The following NEB variants were observed in gnomAD, a reference collection of about 807,000 sequenced individuals.
NEB encodes nebulin.
NEB carries 512 observed loss-of-function variants against 952.2 expected under a neutral mutation model. The observed-to-expected ratio is 0.54, with a 90% CI of 0.50 to 0.58. NEB has a LOEUF of 0.58. Ranked by LOEUF, NEB falls within the 20% of genes least tolerant of loss-of-function variation. The pLI, the probability that NEB is intolerant of heterozygous loss-of-function variation, is 0.00. For missense variants in NEB, 8,428 were observed against 9,231.1 expected (o/e 0.91, Z 3.56); for synonymous variants, 2,900 against 3,149.8 (o/e 0.92, Z 2.66).
chr2:151,622,907 C>A (rs889307077), intron 71 of NEB, among the ~76,000 whole-genome samples: 1 of 152,142 alleles, frequency 6.6e-6, no homozygotes, highest in African/African-American at 2.4e-5. Context: ...TAGTTTATTT[C>A]TTCACCTTTA....
intron 10 of NEB, among the ~76,000 whole-genome samples, chr2:151,714,612 C>G (rs1452364520): frequency 6.6e-6 from 1 of 152,066 alleles, no homozygotes; most frequent in Non-Finnish European, 1.5e-5. Context: ...TTTCAGCCAA[C>G]CTTCAGTGGG....
intron 129 of NEB, among the ~76,000 whole-genome samples, chr2:151,551,294 G>A (rs1397923152): frequency 1.3e-5 from 2 of 152,098 alleles, no homozygotes; most frequent in Non-Finnish European, 2.9e-5. Flanking sequence ...TACACAAGAT[G>A]GGAAATAACA....
intron 68 of NEB, among the ~76,000 whole-genome samples, chr2:151,628,847 A>T (rs1254462806): frequency 1.3e-5 from 2 of 152,016 alleles, no homozygotes; most frequent in Non-Finnish European, 2.9e-5. Context: ...GGGCAACAAG[A>T]GTGAGACTCT....
In NEB at chr2:151,570,528, G is replaced by A; in HGVS notation, c.17087C>T (p.Ala5696Val). The change falls in exon 108 of 182, where the codon GCT (alanine) becomes GTT (valine). Residue 5696 changes from alanine (A) to valine (V), a missense_variant. This residue lies in a region of NEB where 3,374 missense variants were observed against 3,651.5 expected (regional missense o/e 0.92). Coordinates refer to ENST00000397345, the MANE Select transcript of NEB (RefSeq NM_001164508.2). ...GGCAATCTCCCTGGAGGCCTTGGCAGCCTGGATGGGGATGGCATCCAGCCG... is the reference window on the plus strand; with the variant it reads ...GGCAATCTCCCTGGAGGCCTTGGCAACCTGGATGGGGATGGCATCCAGCCG... ...DVRLDAIPIQ[A>V]AKASREIASD... The A allele has an allele frequency of 1.9e-6, 3 of 1,611,470 alleles. No individual in the cohort carries two copies. Among genetic ancestry groups the A allele is most frequent in the Non-Finnish European group, 2.5e-6 (3 of 1,179,030 alleles).
chr2:151,502,820 G>T lies in NEB; in HGVS notation c.23901C>A (p.Val7967=). ...AGCTAAAGTTCTCTTGATTGCGTTT[G>T]ACTCTCTCCATCTCTGGAGTGATAG... ...PTPITPEMER[V]KRNQENFSSI... Residue 7967 remains valine, a synonymous_variant, in exon 167 of 182, where the codon GTC becomes GTA. Coordinates refer to ENST00000397345, the MANE Select transcript of NEB (RefSeq NM_001164508.2). 1 of 1,604,878 alleles carries T rather than the reference G, an allele frequency of 6.2e-7. No homozygotes were observed. Among genetic ancestry groups the T allele is most frequent in the Non-Finnish European group, 8.5e-7 (1 of 1,175,288 alleles).
At chr2:151,515,405 G>T (rs976871529) in intron 157 of NEB, among the ~76,000 whole-genome samples, 2 of 152,080 alleles carry the variant, frequency 1.3e-5, no homozygotes, top group African/African-American at 4.8e-5. Context: ...TTAATATGGG[G>T]TCTTGCTATG....
chr2:151,549,811 C>G, intron 129 of NEB, 71 bp from the exon 130 acceptor site: 1 of 836,626 alleles, frequency 1.2e-6, no homozygotes, highest in South Asian at 1.5e-5. Flanking sequence ...TAACAAATCA[C>G]ATATAGCTCA....
At position 151,619,448 on chromosome 2, in the gene NEB, T is replaced by C. The variant is rs755212048; in HGVS notation, c.10872+3A>G. The C allele has an allele frequency of 1.4e-5, 23 of 1,587,960 alleles. No individual in the cohort carries two copies. The highest frequency in any genetic ancestry group is 1.9e-5 in the Non-Finnish European group (22 of 1,163,138). On this transcript the variant is annotated splice_donor_region_variant and intron_variant, in intron 73 of 181. Coordinates refer to ENST00000397345, the MANE Select transcript of NEB (RefSeq NM_001164508.2). Reference sequence around the variant, plus strand: ...ATGCAGAGCTAACATCAAGGAAACTTACGTCACTCTGGAGGTCATAGGCTT... The same window carrying C: ...ATGCAGAGCTAACATCAAGGAAACTCACGTCACTCTGGAGGTCATAGGCTT...
At chr2:151,497,584 A>AATC in intron 171 of NEB, 42 bp downstream of exon 171, 1 of 1,539,878 alleles carries the variant, frequency 6.5e-7, no homozygotes, top group Non-Finnish European at 8.8e-7. Flanking sequence ...AAGTTTTCAA[A>AATC]ATCATTAAAT....
chr2:151,646,571 GC>G (rs1176206620), intron 54 of NEB, among the ~76,000 whole-genome samples: 1 of 152,170 alleles, frequency 6.6e-6, no homozygotes, highest in Non-Finnish European at 1.5e-5. Flanking sequence ...TTTAGAGGCA[GC>G]CCTTGCCTTT....
intron 124 of NEB, among the ~76,000 whole-genome samples, chr2:151,558,530 C>A (rs543499208): frequency 1.3e-5 from 2 of 151,588 alleles, no homozygotes; most frequent in East Asian, 1.9e-4. Context: ...GGAGGCATTA[C>A]GCTATCTGAC....
intron 136 of NEB, 51 bp from the exon 137 acceptor site, chr2:151,540,852 T>A: frequency 1.4e-6 from 2 of 1,412,086 alleles, no homozygotes; most frequent in Non-Finnish European, 1.0e-6. Flanking sequence ...ATTTAGTATT[T>A]AGCATTCAGT....
Position 151,668,995 on chromosome 2 carries a change from T to C in NEB, c.4611+32A>G, listed in dbSNP as rs540406132. 2.8e-6 allele frequency: 4 copies of C among 1,442,054 alleles called. No homozygotes were observed. In the South Asian group the frequency reaches 4.9e-5, roughly 18 times the overall value. 89.3% of individuals were successfully genotyped at this position (1,442,054 alleles called of 1,614,324 possible). ...AAGAACCAGAAAGGAGAGGCCCGCA[T>C]ACGCAATATTAGCACTGGGCCAAAT... On this transcript the variant is annotated intron_variant, in intron 39 of 181. Transcript: ENST00000397345.
chr2:151,609,359 A>T (rs1250503449), intron 81 of NEB, among the ~76,000 whole-genome samples: 1 of 152,176 alleles, frequency 6.6e-6, no homozygotes, highest in Non-Finnish European at 1.5e-5. Flanking sequence ...TATTGATCAC[A>T]GAAGTCACTT....
chr2:151,503,023 T>A, intron 166 of NEB, 138 bp from the exon 167 acceptor site: 1 of 615,684 alleles, frequency 1.6e-6, no homozygotes, highest in Non-Finnish European at 2.8e-6. Flanking sequence ...ATGTTTTTAC[T>A]TTTTTCACAG....
At position 151,524,322 on chromosome 2, in the gene NEB, G is replaced by A. The variant is rs761910936; in HGVS notation, c.22468C>T (p.Leu7490=). 1 of 1,613,768 alleles carries A rather than the reference G, an allele frequency of 6.2e-7. No homozygotes were observed. Among genetic ancestry groups the A allele is most frequent in the Non-Finnish European group, 8.5e-7 (1 of 1,179,820 alleles). Residue 7490 remains leucine, a synonymous_variant, in exon 153 of 182, where the codon CTG becomes TTG. Transcript: ENST00000397345. ...DIEMAKKAAK[L]SSQVKYRENF... Reference sequence around the variant, plus strand: ...CCCATCTGCATTACCTGGCTGCTCAGCTTGGCTGCCTTCTTGGCCATTTCT... The same window carrying A: ...CCCATCTGCATTACCTGGCTGCTCAACTTGGCTGCCTTCTTGGCCATTTCT...
intron 74 of NEB, among the ~76,000 whole-genome samples, 153 bp downstream of exon 74, chr2:151,618,122 G>T (rs537287106): frequency 2.0e-5 from 3 of 152,262 alleles, no homozygotes; most frequent in African/African-American, 7.2e-5. Context: ...ATATTTTGAA[G>T]TATCACTAAG....
intron 9 of NEB, among the ~76,000 whole-genome samples, chr2:151,719,899 A>T (rs1229636133): frequency 6.6e-6 from 1 of 151,732 alleles, no homozygotes; most frequent in Non-Finnish European, 1.5e-5. Flanking sequence ...AAAAAAAAAA[A>T]AAAAAATACA....
At position 151,656,006 on chromosome 2, in the gene NEB, A is replaced by G. The variant is rs376535906; in HGVS notation, c.6513T>C (p.Asp2171=). 90 of 1,613,414 alleles carry G rather than the reference A, an allele frequency of 5.6e-5. No homozygotes were observed. The highest frequency in any genetic ancestry group is 7.4e-5 in the Non-Finnish European group (87 of 1,179,648). The change falls in exon 50 of 182, where the codon GAT becomes GAC. Residue 2171 remains aspartate, a synonymous_variant. Transcript: ENST00000397345. ...RIQSDNEYKQ[D]YNEWYKGLGW... ...CAAGCCCTTTGTACCATTCATTGTA[A>G]TCTTGCTTATATTCATTCTATAAAG...
Sources: allele counts gnomAD v4.1 joint callset (sites outside exome capture counted in the v4.1 genomes callset), GRCh38; gene constraint gnomAD v4.1.1; regional missense constraint gnomAD v4.1.1; transcripts MANE v1.5; gene names NCBI Gene and HGNC (gene_info 2026-07-23, HGNC 2026-07-21).